The following TPCN1 variants were observed in gnomAD, a reference collection of about 807,000 sequenced individuals.
The protein encoded by TPCN1 is two pore segment channel 1, also known as two pore channel protein 1.
In TPCN1, 52 loss-of-function variants were observed where a neutral mutation model predicts 108.8. That is an observed-to-expected ratio of 0.48 (90% CI 0.38 to 0.60). The LOEUF (loss-of-function observed/expected upper bound fraction) is 0.60. TPCN1 is among the 20% of genes least tolerant of loss of function. TPCN1 has a pLI of 0.00. For synonymous variants in TPCN1, 446 were observed against 433.7 expected (o/e 1.03, Z -0.35); for missense variants, 806 against 1,072.8 (o/e 0.75, Z 3.47).
intron 15 of TPCN1, among the ~76,000 whole-genome samples, chr12:113,282,751 C>T (rs1164705095): frequency 4.0e-5 from 6 of 150,396 alleles, no homozygotes; most frequent in African/African-American, 1.5e-4. Flanking sequence ...AGTGAGACCC[C>T]CCTATCTCAA....
At chr12:113,291,312 T>C (rs1956259700) in intron 23 of TPCN1, among the ~76,000 whole-genome samples, 1 of 152,240 alleles carries the variant, frequency 6.6e-6, no homozygotes, top group Non-Finnish European at 1.5e-5. Flanking sequence ...AGTGACAAAG[T>C]GGCGAGCATT....
chr12:113,247,482 G>A (rs962295346), intron 2 of TPCN1, among the ~76,000 whole-genome samples: 1 of 152,216 alleles, frequency 6.6e-6, no homozygotes, highest in African/African-American at 2.4e-5. Flanking sequence ...CGCAGCACTC[G>A]GAGTGGGAGC....
rs952895867 is a variant in TPCN1, at chr12:113,266,557, C to T, written c.414+201C>T. Among the ~76,000 whole-genome samples the T allele has an allele frequency of 6.6e-6, 1 of 152,226 alleles. No homozygotes were observed. The highest frequency in any genetic ancestry group is 1.5e-5 in the Non-Finnish European group (1 of 68,034). The stretch of plus-strand genomic sequence containing the variant: ...AGTGAATGGCCTTCACCCAGTCTCT[C>T]TGGGATTCTGCCCACCAGTAAATTC... On this transcript the variant is annotated intron_variant, in intron 4 of 27. Transcript: ENST00000335509. The surrounding 1 kb of genome is among the most constrained non-coding windows in gnomAD (Gnocchi z 4.2).
At chr12:113,254,942 T>A (rs1448647257) in intron 2 of TPCN1, among the ~76,000 whole-genome samples, 1 of 152,230 alleles carries the variant, frequency 6.6e-6, no homozygotes, top group Non-Finnish European at 1.5e-5. Flanking sequence ...GCTTACATCA[T>A]ACTGAGTGGT....
intron 2 of TPCN1, among the ~76,000 whole-genome samples, chr12:113,250,505 G>A (rs1954591522): frequency 6.6e-6 from 1 of 152,254 alleles, no homozygotes; most frequent in African/African-American, 2.4e-5. Context: ...CTGTGGACAG[G>A]TGCCCCTGGA....
intron 2 of TPCN1, among the ~76,000 whole-genome samples, chr12:113,248,628 GAAC>G (rs1237842181): frequency 6.6e-6 from 1 of 152,210 alleles, no homozygotes; most frequent in Non-Finnish European, 1.5e-5. Context: ...GCACGTTTCA[GAAC>G]AACAAGGAGG....
chr12:113,276,860 C>G (rs1955689979), intron 10 of TPCN1, 59 bp from the exon 11 acceptor site: 2 of 1,169,896 alleles, frequency 1.7e-6, no homozygotes. Context: ...TACCCCCCTG[C>G]ACTCCCTGCC....
intron 26 of TPCN1, 25 bp downstream of exon 26, chr12:113,293,098 A>G: frequency 6.2e-7 from 1 of 1,605,404 alleles, no homozygotes; most frequent in Non-Finnish European, 8.5e-7. Context: ...CCCTGGTCCG[A>G]AGGAGGGAGG....
Position 113,297,680 on chromosome 12 carries a change from A to G in TPCN1, c.*1604A>G, listed in dbSNP as rs983590781. The G allele has an allele frequency of 1.6e-4, 25 of 152,552 alleles. No individual in the cohort carries two copies. The highest frequency in any genetic ancestry group is 5.8e-4 in the African/African-American group (24 of 41,446). The allele number at this position is 152,552 out of a possible 1,614,324, so 9.4% of individuals were successfully genotyped here. On this transcript the variant is annotated 3_prime_UTR_variant, in exon 28 of 28. Transcript: ENST00000335509. The surrounding 1 kb of genome is among the most constrained non-coding windows in gnomAD (Gnocchi z 4.4). Reference sequence around the variant, plus strand: ...GCACAGCCCTTTGGGAAAGCAACACATTATTGAGACTCACTGTGATTCCCC... The same window carrying G: ...GCACAGCCCTTTGGGAAAGCAACACGTTATTGAGACTCACTGTGATTCCCC...
chr12:113,270,993 C>T (rs1476335613), intron 7 of TPCN1, among the ~76,000 whole-genome samples: 3 of 152,122 alleles, frequency 2.0e-5, no homozygotes, highest in Admixed American at 1.3e-4. Flanking sequence ...CATGGTGTCC[C>T]ACGCTGATTG....
chr12:113,264,551 C>T (rs1033290108), intron 3 of TPCN1, among the ~76,000 whole-genome samples: 33 of 151,856 alleles, frequency 2.2e-4, no homozygotes, highest in Non-Finnish European at 4.6e-4. Flanking sequence ...TGGTGGTGCA[C>T]GCCTGTCATT....
At position 113,272,789 on chromosome 12, in the gene TPCN1, G is replaced by T; in HGVS notation, c.783+97G>T. ...GACCCTGTGGCCATATGGGGAAGGG[G>T]GGGCCTGCCTGGTTTCTCATCATAG... On this transcript the variant is annotated intron_variant, in intron 8 of 27. Coordinates refer to ENST00000335509, the MANE Select transcript of TPCN1 (RefSeq NM_017901.6). This position sits in a 1 kb window ranked among gnomAD's most constrained non-coding sequence, Gnocchi z 4.1. 1 of 1,245,382 alleles carries T rather than the reference G, an allele frequency of 8.0e-7. No homozygotes were observed. The highest frequency in any genetic ancestry group is 1.2e-6 in the Non-Finnish European group (1 of 845,738). 77.1% of individuals were successfully genotyped at this position (1,245,382 alleles called of 1,614,324 possible). A position where few individuals can be genotyped will look rare whatever the true frequency, so the allele number is the denominator to read the frequency against.
rs1956179831 is a variant in TPCN1, at chr12:113,288,910, C to G, written c.1796+63C>G. On this transcript the variant is annotated intron_variant, in intron 21 of 27. Transcript: ENST00000335509. The surrounding 1 kb of genome is among the most constrained non-coding windows in gnomAD (Gnocchi z 4.8). ...TCCCGGGCAGAGGGCTGGCCAGGGC[C>G]AGGATTGGTGTCCTTGTGGCCTTGG... is the stretch of plus-strand genomic sequence containing the variant. 2.6e-6 allele frequency: 4 copies of G among 1,542,868 alleles called. No homozygotes were observed. Among genetic ancestry groups the G allele is most frequent in the Non-Finnish European group, 2.7e-6 (3 of 1,119,270 alleles).
intron 10 of TPCN1, among the ~76,000 whole-genome samples, chr12:113,275,269 G>A (rs1593174036): frequency 6.6e-6 from 1 of 152,126 alleles, no homozygotes; most frequent in Admixed American, 6.6e-5. Flanking sequence ...ATGGAGTCTC[G>A]CTCTGTCACC....
intron 3 of TPCN1, among the ~76,000 whole-genome samples, chr12:113,263,955 C>T (rs1315129647): frequency 6.6e-6 from 1 of 152,218 alleles, no homozygotes; most frequent in African/African-American, 2.4e-5. Flanking sequence ...TCATTACCCC[C>T]ATCTCTTCTG....
rs865886107 is a variant in TPCN1 at position 113,297,607 on chromosome 12, C to G, written c.*1531C>G. 3.3e-5 allele frequency: 5 copies of G among 152,742 alleles called. No homozygotes were observed. The highest frequency in any genetic ancestry group is 6.5e-5 in the Admixed American group (1 of 15,282). 9.5% of individuals were successfully genotyped at this position (152,742 alleles called of 1,614,324 possible). ...CACGGCATGGTTCTCCCCTTCCCCC[C>G]TTCCCAGGTCAGGGGAGTTGGACAA... On this transcript the variant is annotated 3_prime_UTR_variant, in exon 28 of 28. Coordinates refer to ENST00000335509, the MANE Select transcript of TPCN1 (RefSeq NM_017901.6). The surrounding 1 kb of genome is among the most constrained non-coding windows in gnomAD (Gnocchi z 4.4).
At chr12:113,287,132 G>C in intron 19 of TPCN1, 38 bp downstream of exon 19, 1 of 1,543,890 alleles carries the variant, frequency 6.5e-7, no homozygotes, top group Non-Finnish European at 8.9e-7. Context: ...GGGAGAAAGA[G>C]AGGGAGGACG....
At chr12:113,236,864 T>A (rs1953919047) in intron 2 of TPCN1, among the ~76,000 whole-genome samples, 1 of 152,166 alleles carries the variant, frequency 6.6e-6, no homozygotes, top group Admixed American at 6.6e-5. Context: ...TTAGGACTGT[T>A]CTGAGGTTTA....
intron 1 of TPCN1, among the ~76,000 whole-genome samples, chr12:113,225,011 A>G (rs1953420012): frequency 1.3e-5 from 2 of 152,064 alleles, no homozygotes; most frequent in South Asian, 4.1e-4. Flanking sequence ...TCTGCCTCCC[A>G]AAGTGCTGGG....
Sources: allele counts gnomAD v4.1 joint callset (sites outside exome capture counted in the v4.1 genomes callset), GRCh38; gene constraint gnomAD v4.1.1; non-coding constraint Gnocchi (gnomAD v3.1); transcripts MANE v1.5; gene names NCBI Gene and HGNC (gene_info 2026-07-23, HGNC 2026-07-21).